The following ZHX3 variants were observed in gnomAD, a reference collection of about 807,000 sequenced individuals.
The protein encoded by ZHX3 is zinc fingers and homeoboxes protein 3.
ZHX3 carries 20 observed loss-of-function variants against 64.5 expected under a neutral mutation model. The observed-to-expected ratio is 0.31, with a 90% CI of 0.22 to 0.45. The LOEUF is 0.45. Ranked by LOEUF, ZHX3 falls within the 20% of genes least tolerant of loss-of-function variation. ZHX3 has a pLI of 1.00. For synonymous variants in ZHX3, 423 were observed against 461.6 expected, an observed-to-expected ratio of 0.92 and a Z score of 1.07; for missense variants, 1,041 against 1,195.8, an observed-to-expected ratio of 0.87 and a Z score of 1.91.
intron 1 of ZHX3, among the ~76,000 whole-genome samples, chr20:41,279,197 T>C (rs563275948): frequency 8.5e-5 from 13 of 152,226 alleles, no homozygotes; most frequent in Non-Finnish European, 1.9e-4. Context: ...AAGGCCCATA[T>C]TGCCAAACTG....
chr20:41,264,027 A>G (rs6102332), intron 2 of ZHX3, among the ~76,000 whole-genome samples: 9,406 of 152,230 alleles, frequency 0.062, 960 homozygotes, highest in African/African-American at 0.22. Flanking sequence ...AATTTGGATA[A>G]AACTAAATAG....
intron 1 of ZHX3, among the ~76,000 whole-genome samples, chr20:41,306,349 T>C (rs1426477778): frequency 6.6e-6 from 1 of 152,240 alleles, no homozygotes; most frequent in Non-Finnish European, 1.5e-5. Context: ...TAGAAAAATC[T>C]TATAAGCCAG....
Position 41,185,283 on chromosome 20 carries a change from G to A in ZHX3, c.2861-82C>T, listed in dbSNP as rs2036427047. On this transcript the variant is annotated intron_variant, in intron 3 of 3. Transcript: ENST00000683867. The surrounding 1 kb of genome is among the most constrained non-coding windows in gnomAD (Gnocchi z 5.0). ...GGCAGCCTGGTCCTTGCTATACCAG[G>A]GTGGCATCACTGGCTTTGAGGACCT... The A allele has an allele frequency of 2.0e-6, 3 of 1,486,880 alleles. No individual in the cohort carries two copies. Among genetic ancestry groups the A allele is most frequent in the South Asian group, 1.3e-5 (1 of 74,678 alleles). 92.1% of individuals were successfully genotyped at this position (1,486,880 alleles called of 1,614,324 possible). A position where few individuals can be genotyped will look rare whatever the true frequency, so the allele number is the denominator to read the frequency against.
intron 3 of ZHX3, among the ~76,000 whole-genome samples, chr20:41,193,828 C>G (rs2037258192): frequency 6.6e-6 from 1 of 151,788 alleles, no homozygotes; most frequent in South Asian, 2.1e-4. Flanking sequence ...TGCCTCAGCC[C>G]TAACCCTGAG....
chr20:41,288,130 G>A (rs758258835), intron 1 of ZHX3, among the ~76,000 whole-genome samples: 8 of 152,164 alleles, frequency 5.3e-5, no homozygotes, highest in East Asian at 1.9e-4. Flanking sequence ...GGGCTCAAGC[G>A]ATCCTCCCCA....
At chr20:41,255,462 A>C (rs2042200372) in intron 2 of ZHX3, among the ~76,000 whole-genome samples, 1 of 152,152 alleles carries the variant, frequency 6.6e-6, no homozygotes, top group South Asian at 2.1e-4. Context: ...AGGATCAACT[A>C]TTCTTACACT....
In ZHX3 at chr20:41,185,332, G is replaced by A. The variant is rs1001563522; in HGVS notation, c.2861-131C>T. 1.6e-4 allele frequency: 179 copies of A among 1,111,106 alleles called. No individual in the cohort carries two copies. The highest frequency in any genetic ancestry group is 2.2e-4 in the Non-Finnish European group (175 of 784,920). The allele number at this position is 1,111,106 out of a possible 1,614,324, so 68.8% of individuals were successfully genotyped here. A position where few individuals can be genotyped will look rare whatever the true frequency, so the allele number is the denominator to read the frequency against. On this transcript the variant is annotated intron_variant, in intron 3 of 3. Transcript: ENST00000683867. This position sits in a 1 kb window ranked among gnomAD's most constrained non-coding sequence, Gnocchi z 5.0. ...CTCTTAATTCCATGAGCAATGAATG[G>A]CCTTCTGCCACCCACTCCCCCACCC...
At chr20:41,217,197 T>C (rs1254636172) in intron 2 of ZHX3, among the ~76,000 whole-genome samples, 2 of 152,192 alleles carry the variant, frequency 1.3e-5, no homozygotes, top group African/African-American at 4.8e-5. Context: ...ACAAAAGTCT[T>C]AATCAGTTGG....
At chr20:41,276,823 A>T (rs1044400407) in intron 1 of ZHX3, among the ~76,000 whole-genome samples, 2 of 152,190 alleles carry the variant, frequency 1.3e-5, no homozygotes, top group African/African-American at 4.8e-5. Context: ...ACTATCCTCA[A>T]TTTTTAAATA....
chr20:41,205,308 C>T (rs544653262), intron 2 of ZHX3, among the ~76,000 whole-genome samples: 1 of 152,262 alleles, frequency 6.6e-6, no homozygotes, highest in South Asian at 2.1e-4. Context: ...ATTTTTGTTT[C>T]TTCCCCACCA....
At chr20:41,280,697 G>A (rs970746899) in intron 1 of ZHX3, among the ~76,000 whole-genome samples, 1 of 152,102 alleles carries the variant, frequency 6.6e-6, no homozygotes, top group Non-Finnish European at 1.5e-5. Context: ...GATTATAGGC[G>A]TGAGCCACTG....
In ZHX3 at chr20:41,305,716, G is replaced by A. The variant is rs566168797; in HGVS notation, c.-245+11793C>T. On this transcript the variant is annotated intron_variant, in intron 1 of 3. Transcript: ENST00000683867. ...GGAGAATAGTGTGAACCCGGGAGGCGGAGCTTGCAGTGAGCCGAGATCGCG... is the reference window on the plus strand; with the variant it reads ...GGAGAATAGTGTGAACCCGGGAGGCAGAGCTTGCAGTGAGCCGAGATCGCG... Among the ~76,000 whole-genome samples, 17 of 149,984 alleles carry A rather than the reference G, an allele frequency of 1.1e-4. No homozygotes were observed. The East Asian group carries it at 2.8e-3, about 24-fold the overall frequency.
intron 3 of ZHX3, chr20:41,188,438 C>T (rs541389452): frequency 8.8e-6 from 1 of 114,138 alleles, no homozygotes; most frequent in East Asian, 3.1e-4. Flanking sequence ...CACAGGATCT[C>T]GCTCTGTAAC....
intron 2 of ZHX3, among the ~76,000 whole-genome samples, chr20:41,244,667 C>G (rs370129918): frequency 8.8e-4 from 134 of 152,272 alleles, no homozygotes; most frequent in African/African-American, 3.1e-3. Flanking sequence ...ACAGAAAAAC[C>G]CTTACTCTCT....
chr20:41,305,711 G>A (rs1429720008), intron 1 of ZHX3, among the ~76,000 whole-genome samples: 1 of 151,986 alleles, frequency 6.6e-6, no homozygotes, highest in Non-Finnish European at 1.5e-5. Flanking sequence ...GTGAACCCGG[G>A]AGGCGGAGCT....
Position 41,204,261 on chromosome 20 carries a change from G to A in ZHX3, c.656C>T (p.Ser219Leu), listed in dbSNP as rs753290213. Reference sequence around the variant, plus strand: ...CTCTCTCACCTCCATTTCTCCAGTCGACAGCTTTGGTAAGGCCTCACCCAC... The same window carrying A: ...CTCTCTCACCTCCATTTCTCCAGTCAACAGCTTTGGTAAGGCCTCACCCAC... ...QPVGEALPKL[S>L]TGEMEVREGD... Residue 219 changes from serine to leucine, a missense_variant, in exon 3 of 4, where the codon TCG (serine) becomes TTG (leucine). Transcript: ENST00000683867. The surrounding 1 kb of genome is among the most constrained non-coding windows in gnomAD (Gnocchi z 6.6). 59 of 1,614,024 alleles carry A rather than the reference G, an allele frequency of 3.7e-5. No homozygotes were observed. The Admixed American group carries it at 5.8e-4, about 16-fold the overall frequency.
At chr20:41,304,152 T>G (rs2044905510) in intron 1 of ZHX3, among the ~76,000 whole-genome samples, 1 of 152,192 alleles carries the variant, frequency 6.6e-6, no homozygotes. Context: ...CCTACTTGGT[T>G]TCCAGTATAG....
intron 1 of ZHX3, among the ~76,000 whole-genome samples, chr20:41,294,879 TAG>T (rs975412901): frequency 4.0e-5 from 6 of 151,854 alleles, no homozygotes; most frequent in African/African-American, 1.2e-4. Flanking sequence ...TATTTTTTGG[TAG>T]AGATAGGTTT....
rs1372008551 is a variant in ZHX3 at position 41,204,613 on chromosome 20, C to T, written c.304G>A (p.Asp102Asn). ...ACAAAGGTTGGGTCTTTATTAAAGT[C>T]TGTGTGCTCTGAGTTCATATGTCCC... ...FVGHMNSEHT[D>N]FNKDPTFVCS... The change falls in exon 3 of 4, where the codon GAC becomes AAC. Residue 102 changes from aspartate to asparagine, a missense_variant. Physicochemically the swap from Asp to Asn is conservative, Grantham distance 23 (BLOSUM62 1). This residue lies in a region of ZHX3 where 358 missense variants were observed against 369.1 expected (regional missense o/e 0.97). Coordinates refer to ENST00000683867, the MANE Select transcript of ZHX3 (RefSeq NM_001384317.1). This position sits in a 1 kb window ranked among gnomAD's most constrained non-coding sequence, Gnocchi z 6.6. The T allele has an allele frequency of 6.2e-7, 1 of 1,614,238 alleles. No individual in the cohort carries two copies. Among genetic ancestry groups the T allele is most frequent in the Non-Finnish European group, 8.5e-7 (1 of 1,180,042 alleles).
Sources: gnomAD v4.1 joint callset for allele counts (sites outside exome capture counted in the v4.1 genomes callset) on GRCh38, gnomAD v4.1.1 for gene constraint, gnomAD v4.1.1 regional missense constraint, Gnocchi (gnomAD v3.1) non-coding constraint, MANE v1.5 for transcripts, NCBI Gene and HGNC (gene_info 2026-07-23, HGNC 2026-07-21) for gene names.